The following DYNC1I1 variants were observed in gnomAD, a reference collection of about 807,000 sequenced individuals.
DYNC1I1 encodes cytoplasmic dynein 1 intermediate chain 1.
Under a neutral mutation model 86.6 loss-of-function variants are expected in DYNC1I1, and 43 were observed. The ratio of observed to expected loss-of-function variants is 0.50; its 90% CI spans 0.39 to 0.64. The LOEUF (loss-of-function observed/expected upper bound fraction) is 0.64, where lower values mean the gene tolerates loss of function less well. Among genes scored for constraint, DYNC1I1 ranks in the 30% least tolerant of loss-of-function variants. DYNC1I1 has a pLI of 0.00. For synonymous variants in DYNC1I1, 262 were observed against 283.7 expected (o/e 0.92, Z 0.77); for missense variants, 604 against 788.8 (o/e 0.77, Z 2.81).
chr7:96,102,452 C>T (rs112869239), downstream of DYNC1I1, among the ~76,000 whole-genome samples: 35 of 152,228 alleles, frequency 2.3e-4, no homozygotes, highest in African/African-American at 7.7e-4. Flanking sequence ...TAGAATCTCC[C>T]CAATGTTTAA....
chr7:96,058,015 A>G (rs1297369802), intron 14 of DYNC1I1, among the ~76,000 whole-genome samples: 2 of 152,092 alleles, frequency 1.3e-5, no homozygotes, highest in African/African-American at 2.4e-5. Flanking sequence ...TTCTCCATTT[A>G]TCACCTTTTT....
At chr7:95,790,373 A>G (rs1017849553) in intron 1 of DYNC1I1, among the ~76,000 whole-genome samples, 5 of 152,128 alleles carry the variant, frequency 3.3e-5, no homozygotes, top group Admixed American at 1.3e-4. Flanking sequence ...CTTGTCCCAC[A>G]AACTGGTCAT....
chr7:95,877,214 A>G (rs965163445), intron 6 of DYNC1I1, among the ~76,000 whole-genome samples: 19 of 152,192 alleles, frequency 1.2e-4, no homozygotes, highest in African/African-American at 3.9e-4. Context: ...ATAAGTTCCA[A>G]GCAAGTGTGA....
chr7:95,816,996 G>T (rs1285569434), intron 4 of DYNC1I1, among the ~76,000 whole-genome samples: 1 of 152,122 alleles, frequency 6.6e-6, no homozygotes, highest in African/African-American at 2.4e-5. Context: ...CTGAAGAACG[G>T]CTTTTGTTTA....
intron 16 of DYNC1I1, among the ~76,000 whole-genome samples, chr7:96,096,681 A>G (rs1791016490): frequency 6.6e-6 from 1 of 152,190 alleles, no homozygotes. Flanking sequence ...ACTGAATTGT[A>G]CACAGAAGAT....
intron 10 of DYNC1I1, among the ~76,000 whole-genome samples, chr7:96,020,520 A>G (rs1794520195): frequency 6.6e-6 from 1 of 152,180 alleles, no homozygotes; most frequent in South Asian, 2.1e-4. Context: ...GGTCCCTCCC[A>G]CAACACGTGG....
Position 95,851,503 on chromosome 7 carries a change from GA to G in DYNC1I1, c.375-18379del, listed in dbSNP as rs533917292. Among the ~76,000 whole-genome samples, 7 of 152,336 alleles carry G rather than the reference GA, an allele frequency of 4.6e-5. No individual in the cohort carries two copies. The East Asian group carries it at 1.4e-3, about 29-fold the overall frequency. The stretch of plus-strand genomic sequence containing the variant: ...TATGGAAAGCAAAACCTTGGATAAA[GA>G]GGGGCTACTGTATTGATTTGCGTTC... On this transcript the variant is annotated intron_variant, in intron 5 of 16. Coordinates refer to ENST00000447467, the MANE Select transcript of DYNC1I1 (RefSeq NM_001135556.2).
intron 16 of DYNC1I1, 145 bp from the exon 17 acceptor site, chr7:96,097,338 A>T (rs1731318527): frequency 1.2e-6 from 1 of 852,026 alleles, no homozygotes; most frequent in Admixed American, 3.0e-5. Flanking sequence ...GCTTGATCCA[A>T]AGAAGAATGT....
chr7:96,003,928 T>C (rs890595755), intron 10 of DYNC1I1, among the ~76,000 whole-genome samples: 5 of 152,186 alleles, frequency 3.3e-5, no homozygotes, highest in African/African-American at 9.7e-5. Context: ...AGTTGCCTAA[T>C]ATTGTTGGAT....
chr7:95,864,602 A>G (rs1167179975), intron 5 of DYNC1I1, among the ~76,000 whole-genome samples: 1 of 152,200 alleles, frequency 6.6e-6, no homozygotes, highest in African/African-American at 2.4e-5. Context: ...CAGCTTGTCA[A>G]GGATCTGTGG....
At chr7:95,847,661 A>G (rs1789470187) in intron 5 of DYNC1I1, among the ~76,000 whole-genome samples, 1 of 152,208 alleles carries the variant, frequency 6.6e-6, no homozygotes, top group Admixed American at 6.5e-5. Flanking sequence ...ATCTGGCCTC[A>G]ATATACCTCT....
chr7:95,987,381 C>T (rs1438816114), intron 9 of DYNC1I1, among the ~76,000 whole-genome samples: 1 of 152,114 alleles, frequency 6.6e-6, no homozygotes, highest in Non-Finnish European at 1.5e-5. Flanking sequence ...TTGTTCTGTC[C>T]ATGAAACTAT....
intron 6 of DYNC1I1, among the ~76,000 whole-genome samples, chr7:95,875,880 A>T (rs1790297053): frequency 2.6e-5 from 4 of 152,118 alleles, no homozygotes; most frequent in Non-Finnish European, 5.9e-5. Flanking sequence ...TGGTCTCCAG[A>T]CCTTGAGTTG....
At chr7:95,783,293 A>T (rs1204748807) in intron 1 of DYNC1I1, among the ~76,000 whole-genome samples, 2 of 152,236 alleles carry the variant, frequency 1.3e-5, no homozygotes, top group Non-Finnish European at 2.9e-5. Context: ...ACTGATAATG[A>T]ATAAAAGAAA....
intron 14 of DYNC1I1, among the ~76,000 whole-genome samples, chr7:96,044,176 G>A (rs1339325262): frequency 6.6e-6 from 1 of 152,116 alleles, no homozygotes; most frequent in African/African-American, 2.4e-5. Context: ...TATTGAAGCT[G>A]GATGATTGAT....
rs1236037363 is a variant in DYNC1I1, at chr7:96,011,345, G to GA, written c.969+15279dup. ...GCTCAAGAACATGGAATTAACTAAG[G>GA]AAAAAAATAAGTTAAATAAAGTAGA... is the stretch of plus-strand genomic sequence containing the variant. On this transcript the variant is annotated intron_variant, in intron 10 of 16. Transcript: ENST00000447467. Among the ~76,000 whole-genome samples, 10 of 152,116 alleles carry GA rather than the reference G, an allele frequency of 6.6e-5. No homozygotes were observed. The South Asian group carries it at 1.4e-3, about 22-fold the overall frequency.
chr7:96,025,840 C>CG (rs3216255), intron 10 of DYNC1I1, among the ~76,000 whole-genome samples: 34,682 of 149,498 alleles, frequency 0.23, 4,067 homozygotes, highest in East Asian at 0.31. Context: ...TACAAGCTTG[C>CG]GGGGGGGGGA....
intron 1 of DYNC1I1, among the ~76,000 whole-genome samples, chr7:95,782,110 T>C (rs1292311446): frequency 6.6e-6 from 1 of 152,160 alleles, no homozygotes; most frequent in Admixed American, 6.5e-5. Flanking sequence ...ACTTTTACAA[T>C]CCCTGTGGTA....
chr7:95,946,394 G>A (rs979685718), intron 6 of DYNC1I1, among the ~76,000 whole-genome samples: 86 of 152,188 alleles, frequency 5.7e-4, no homozygotes, highest in African/African-American at 1.7e-3. Flanking sequence ...TTCAATTAGC[G>A]TGTTTGGAAA....
Sources: allele counts gnomAD v4.1 joint callset (sites outside exome capture counted in the v4.1 genomes callset), GRCh38; gene constraint gnomAD v4.1.1; transcripts MANE v1.5; gene names NCBI Gene and HGNC (gene_info 2026-07-23, HGNC 2026-07-21).